SLC5A5: variants seen among roughly 807,000 people sequenced by gnomAD.
The protein encoded by SLC5A5 is solute carrier family 5 member 5.
SLC5A5 carries 56 observed loss-of-function variants against 68.6 expected under a neutral mutation model. The ratio of observed to expected loss-of-function variants is 0.82; its 90% confidence interval spans 0.66 to 1.02. The LOEUF is 1.02. Among genes scored for constraint, SLC5A5 ranks in the 50% least tolerant of loss-of-function variants. The probability of loss-of-function intolerance (pLI) is 0.00; values close to 1 mark genes in which losing one functional copy is unlikely to be tolerated. For synonymous variants in SLC5A5, 398 were observed against 373.0 expected (o/e 1.07, Z -0.77); for missense variants, 807 against 859.8 (o/e 0.94, Z 0.77).
At chr19:17,885,224 T>C (rs1206132828) in intron 12 of SLC5A5, among the ~76,000 whole-genome samples, 1 of 152,044 alleles carries the variant, frequency 6.6e-6, no homozygotes, top group East Asian at 1.9e-4. Flanking sequence ...TTGCCCAGGC[T>C]GGTCTGGAAT....
At chr19:17,890,834 C>A in intron 13 of SLC5A5, 52 bp from the exon 14 acceptor site, 1 of 1,252,738 alleles carries the variant, frequency 8.0e-7, no homozygotes, top group Non-Finnish European at 1.2e-6. Flanking sequence ...CTCCAACCCC[C>A]ATGACCCCTT....
At position 17,888,406 on chromosome 19, in the gene SLC5A5, G is replaced by A. The variant is rs756676766; in HGVS notation, c.1602G>A (p.Leu534=). 6.2e-7 allele frequency: 1 copy of A among 1,613,882 alleles called. No individual in the cohort carries two copies. Among genetic ancestry groups the A allele is most frequent in the Admixed American group, 1.7e-5 (1 of 59,962 alleles). ...YAISYLYYGA[L]GTLTTVLCGA... Reference sequence around the variant, plus strand: ...TCTCCTATCTCTATTACGGTGCCCTGGGCACGCTGACCACTGTGCTGTGCG... The same window carrying A: ...TCTCCTATCTCTATTACGGTGCCCTAGGCACGCTGACCACTGTGCTGTGCG... Residue 534 remains leucine, a synonymous_variant, in exon 13 of 15, where the codon CTG becomes CTA. Transcript: ENST00000222248.
At chr19:17,886,465 G>T (rs866226372) in intron 12 of SLC5A5, among the ~76,000 whole-genome samples, 1 of 151,902 alleles carries the variant, frequency 6.6e-6, no homozygotes, top group African/African-American at 2.4e-5. Context: ...ATGCCACCAC[G>T]CCTGGCTAAT....
rs1195449281 is a variant in SLC5A5 at position 17,891,142 on chromosome 19, G to A, written c.1767+141G>A. 4 of 709,902 alleles carry A rather than the reference G, an allele frequency of 5.6e-6. No homozygotes were observed. The East Asian group carries it at 8.0e-5, about 14-fold the overall frequency. 44.0% of individuals were successfully genotyped at this position (709,902 alleles called of 1,614,324 possible). A position where few individuals can be genotyped will look rare whatever the true frequency, so the allele number is the denominator to read the frequency against. On this transcript the variant is annotated intron_variant, in intron 14 of 14. Transcript: ENST00000222248. ...CAGTCAAAAGACTCTATTGGGAGCT[G>A]ATTCATCCTCAACAGTTTTTATCTC...
At position 17,875,934 on chromosome 19, in the gene SLC5A5, C is replaced by CT. The variant is rs1053874461; in HGVS notation, c.544-17dup. The CT allele has an allele frequency of 6.2e-7, 1 of 1,613,958 alleles. No individual in the cohort carries two copies. Among genetic ancestry groups the CT allele is most frequent in the Non-Finnish European group, 8.5e-7 (1 of 1,179,990 alleles). ...CCCATCTAACCGCCCCTCTCCCTCT[C>CT]TCTGTCCCATGCTGCAGGGCGGCAT... On this transcript the variant is annotated splice_polypyrimidine_tract_variant and intron_variant, in intron 4 of 14. Transcript: ENST00000222248.
intron 12 of SLC5A5, 114 bp downstream of exon 12, chr19:17,884,160 G>A: frequency 1.0e-6 from 1 of 988,192 alleles, no homozygotes; most frequent in Non-Finnish European, 1.5e-6. Context: ...ATGCATTCCT[G>A]GGGGAGGGAA....
In SLC5A5 at chr19:17,882,191, C is replaced by G. The variant is rs749547798; in HGVS notation, c.1214C>G (p.Ser405Cys). The G allele has an allele frequency of 6.2e-7, 1 of 1,613,956 alleles. No homozygotes were observed. Among genetic ancestry groups the G allele is most frequent in the East Asian group, 2.2e-5 (1 of 44,894 alleles). The part of the protein sequence containing the change: ...GSACLTVAAL[S>C]SLLGGGVLQG... ...GCCTGTCTCACCGTGGCAGCCCTGT[C>G]CTCACTGCTCGGAGGAGGTGTCCTT... The change falls in exon 10 of 15, where the codon TCC becomes TGC. Residue 405 changes from serine (S) to cysteine (C), a missense_variant. By Grantham distance (112) the Ser-to-Cys change is moderately radical. Transcript: ENST00000222248.
intron 1 of SLC5A5, 106 bp from the exon 2 acceptor site, chr19:17,874,032 G>T (rs1163744660): frequency 1.1e-5 from 9 of 793,588 alleles, no homozygotes; most frequent in Non-Finnish European, 2.0e-5. Flanking sequence ...GGCGGGCGCG[G>T]TTGGCTTCCG....
At chr19:17,885,407 TCTCA>T (rs2094331042) in intron 12 of SLC5A5, among the ~76,000 whole-genome samples, 1 of 151,856 alleles carries the variant, frequency 6.6e-6, no homozygotes, top group Admixed American at 6.6e-5. Context: ...GGAGACAGGG[TCTCA>T]CTCTAACACC....
At chr19:17,892,109 C>T (rs2030195680) in intron 14 of SLC5A5, among the ~76,000 whole-genome samples, 1 of 151,982 alleles carries the variant, frequency 6.6e-6, no homozygotes, top group African/African-American at 2.4e-5. Flanking sequence ...GCCTGTCGAA[C>T]ATGGCAAAAC....
At chr19:17,873,317 CG>C (rs1397423127) in intron 1 of SLC5A5, among the ~76,000 whole-genome samples, 1 of 151,550 alleles carries the variant, frequency 6.6e-6, no homozygotes, top group Non-Finnish European at 1.5e-5. Context: ...AAAAATTAGC[CG>C]GATGTGGTGG....
At chr19:17,893,175 A>G (rs2030265799) in intron 14 of SLC5A5, among the ~76,000 whole-genome samples, 1 of 145,310 alleles carries the variant, frequency 6.9e-6, no homozygotes, top group Non-Finnish European at 1.5e-5. Flanking sequence ...ACCATGGCTC[A>G]CTGCAGCCCC....
At chr19:17,891,385 T>C (rs1275952567) in intron 14 of SLC5A5, among the ~76,000 whole-genome samples, 1 of 152,096 alleles carries the variant, frequency 6.6e-6, no homozygotes, top group Non-Finnish European at 1.5e-5. Context: ...TTTATGTTTT[T>C]AGTAGAGATG....
intron 7 of SLC5A5, among the ~76,000 whole-genome samples, chr19:17,879,961 G>T (rs369999729): frequency 9.2e-5 from 14 of 151,686 alleles, no homozygotes; most frequent in African/African-American, 3.4e-4. Flanking sequence ...GTGCAGTGGC[G>T]CAACCTCAGC....
intron 5 of SLC5A5, among the ~76,000 whole-genome samples, chr19:17,877,175 T>C (rs2094309516): frequency 6.6e-6 from 1 of 151,958 alleles, no homozygotes; most frequent in African/African-American, 2.4e-5. Context: ...CTCTCTGAAC[T>C]CTCAGCTGGG....
intron 8 of SLC5A5, among the ~76,000 whole-genome samples, chr19:17,881,530 G>T (rs1323202037): frequency 6.6e-6 from 1 of 152,212 alleles, no homozygotes; most frequent in East Asian, 1.9e-4. Context: ...GCCTCGCAAA[G>T]TGCTGAGATT....
At position 17,872,682 on chromosome 19, in the gene SLC5A5, G is replaced by C. The variant is rs1288157966; in HGVS notation, c.357+6G>C. ...GCCTCACCAGCACCTACGAGGTACC[G>C]GACAGAGGCCCGGGGGTAGGACCTG... On this transcript the variant is annotated splice_donor_region_variant and intron_variant, in intron 1 of 14. Coordinates refer to ENST00000222248, the MANE Select transcript of SLC5A5 (RefSeq NM_000453.3). 5 of 1,539,480 alleles carry C rather than the reference G, an allele frequency of 3.2e-6. No individual in the cohort carries two copies. In the East Asian group the frequency reaches 9.0e-5, roughly 28 times the overall value.
chr19:17,889,242 C>CA (rs1349971772), intron 13 of SLC5A5, among the ~76,000 whole-genome samples: 2 of 151,350 alleles, frequency 1.3e-5, no homozygotes, highest in Non-Finnish European at 2.9e-5. Flanking sequence ...ACTAAAAATA[C>CA]AAAAAAATTA....
At chr19:17,892,648 A>AAGAG (rs1568427310) in intron 14 of SLC5A5, among the ~76,000 whole-genome samples, 5 of 58,634 alleles carry the variant, frequency 8.5e-5, no homozygotes, top group South Asian at 6.2e-4. Flanking sequence ...AAAGAAAGAA[A>AAGAG]AGACAGAGAG....
Sources: gnomAD v4.1 joint callset for allele counts (sites outside exome capture counted in the v4.1 genomes callset) on GRCh38, gnomAD v4.1.1 for gene constraint, MANE v1.5 for transcripts, NCBI Gene and HGNC (gene_info 2026-07-23, HGNC 2026-07-21) for gene names.